Variants in BCKDHA observed in about 807,000 individuals in gnomAD.
BCKDHA encodes the protein branched chain keto acid dehydrogenase E1 subunit alpha, also known as 2-oxoisovalerate dehydrogenase subunit alpha, mitochondrial.
In BCKDHA, 43 loss-of-function variants were observed where a neutral mutation model predicts 52.2. The observed-to-expected ratio is 0.82, with a 90% CI of 0.64 to 1.06. The LOEUF (loss-of-function observed/expected upper bound fraction) is 1.06, where lower values mean the gene tolerates loss of function less well. Ranked by LOEUF, BCKDHA falls within the 50% of genes least tolerant of loss-of-function variation. The pLI, the probability that BCKDHA is intolerant of heterozygous loss-of-function variation, is 0.00. For missense variants in BCKDHA, 527 were observed against 621.3 expected (o/e 0.85, Z 1.61); for synonymous variants, 234 against 247.9 (o/e 0.94, Z 0.53).
intron 1 of BCKDHA, among the ~76,000 whole-genome samples, chr19:41,404,258 G>A (rs2039168872): frequency 6.6e-6 from 1 of 151,684 alleles, no homozygotes; most frequent in Non-Finnish European, 1.5e-5. Context: ...GAGATTATAA[G>A]CATAAGCCAC....
chr19:41,407,068 C>T (rs1448484938), intron 1 of BCKDHA, among the ~76,000 whole-genome samples: 1 of 152,198 alleles, frequency 6.6e-6, no homozygotes, highest in Non-Finnish European at 1.5e-5. Flanking sequence ...GCAGTTAGTT[C>T]TTCCCAGCTC....
intron 1 of BCKDHA, among the ~76,000 whole-genome samples, chr19:41,401,673 A>G (rs1182843960): frequency 6.6e-6 from 1 of 152,174 alleles, no homozygotes; most frequent in Non-Finnish European, 1.5e-5. Context: ...CAGATTGTCA[A>G]GGAATTGTGA....
rs377496852 is a variant in BCKDHA at position 41,411,013 on chromosome 19, C to T, written c.375+4C>T. The T allele has an allele frequency of 1.3e-4, 202 of 1,613,760 alleles. No individual in the cohort carries two copies. The highest frequency in any genetic ancestry group is 6.7e-4 in the African/African-American group (50 of 74,888). On this transcript the variant is annotated splice_donor_region_variant and intron_variant, in intron 3 of 8. Coordinates refer to ENST00000269980, the MANE Select transcript of BCKDHA (RefSeq NM_000709.4). ...CCTCTATGAGTCTCAGCGGCAGGTGCGTGGGGACAGGACTAGGGGCGGGGG... is the reference window on the plus strand; with the variant it reads ...CCTCTATGAGTCTCAGCGGCAGGTGTGTGGGGACAGGACTAGGGGCGGGGG...
At position 41,423,083 on chromosome 19, in the gene BCKDHA, A is replaced by G. The variant is rs61736656; in HGVS notation, c.1081A>G (p.Ile361Val). Residue 361 changes from isoleucine (I) to valine (V), a missense_variant, in exon 8 of 9, where the codon ATC (isoleucine) becomes GTC (valine). Physicochemically the swap from Ile to Val is conservative, Grantham distance 29. Transcript: ENST00000269980. ...VNYWDKQDHP[I>V]SRLRHYLLSQ... ...TTACTGGGATAAACAGGACCACCCC[A>G]TCTCCCGGCTGCGGCACTATCTGCT... 1,075 of 1,582,178 alleles carry G rather than the reference A, an allele frequency of 6.8e-4. 3 individuals carry two copies. The highest frequency in any genetic ancestry group is 4.7e-4 in the Non-Finnish European group (550 of 1,164,046).
At position 41,424,653 on chromosome 19, in the gene BCKDHA, G is replaced by T; in HGVS notation, c.*45G>T. 3 of 1,547,190 alleles carry T rather than the reference G, an allele frequency of 1.9e-6. No homozygotes were observed. The highest frequency in any genetic ancestry group is 2.6e-6 in the Non-Finnish European group (3 of 1,140,646). ...CACCCATCCTCAGCTACCCCGAGAG[G>T]TAGCCCCACTCTAAGGGGAGCAGGG... On this transcript the variant is annotated 3_prime_UTR_variant, in exon 9 of 9. Coordinates refer to ENST00000269980, the MANE Select transcript of BCKDHA (RefSeq NM_000709.4).
rs1183699081 is a variant in BCKDHA at position 41,424,761 on chromosome 19, C to A, written c.*153C>A. 3.8e-6 allele frequency: 3 copies of A among 792,166 alleles called. No homozygotes were observed. Among genetic ancestry groups the A allele is most frequent in the Admixed American group, 6.1e-5 (2 of 32,928 alleles). The allele number at this position is 792,166 out of a possible 1,614,324, so 49.1% of individuals were successfully genotyped here. A position where few individuals can be genotyped will look rare whatever the true frequency, so the allele number is the denominator to read the frequency against. ...CCAGGGCGGCTGCCACTCTTCACCC[C>A]TGCTCCTCCCGGCTGTTACATTGTC... On this transcript the variant is annotated 3_prime_UTR_variant, in exon 9 of 9. Transcript: ENST00000269980.
intron 5 of BCKDHA, among the ~76,000 whole-genome samples, chr19:41,421,224 A>G (rs284650): frequency 0.66 from 99,819 of 152,016 alleles, 33,830 homozygotes; most frequent in African/African-American, 0.82. Context: ...AGTTCCTGCC[A>G]TGTGCCGGTG....
chr19:41,423,115 A>G lies in BCKDHA; in HGVS notation c.1113A>G (p.Gln371=), dbSNP rs2039388745. The G allele has an allele frequency of 6.4e-7, 1 of 1,564,130 alleles. No homozygotes were observed. Among genetic ancestry groups the G allele is most frequent in the Non-Finnish European group, 8.7e-7 (1 of 1,154,018 alleles). The change falls in exon 8 of 9, where the codon CAA becomes CAG. Residue 371 remains glutamine (Q), a synonymous_variant. Transcript: ENST00000269980. ...GGCTGCGGCACTATCTGCTGAGCCA[A>G]GGCTGGTGGGATGAGGAGCAGGAGA... ...ISRLRHYLLS[Q]GWWDEEQEKA...
intron 4 of BCKDHA, among the ~76,000 whole-genome samples, chr19:41,417,825 T>C (rs1187652113): frequency 2.0e-5 from 3 of 151,892 alleles, no homozygotes; most frequent in African/African-American, 7.2e-5. Flanking sequence ...CTCAGGAGGC[T>C]GAGGCAGGAG....
rs182217267 is a variant in BCKDHA, at chr19:41,416,068, G to A, written c.484+1911G>A. ...AGGTGATTCTCCTGCCTCAGACTCCGGAGTAGCTGGAATTAAAGGCATGCA... is the reference window on the plus strand; with the variant it reads ...AGGTGATTCTCCTGCCTCAGACTCCAGAGTAGCTGGAATTAAAGGCATGCA... On this transcript the variant is annotated intron_variant, in intron 4 of 8. Transcript: ENST00000269980. Among the ~76,000 whole-genome samples, 235 of 150,562 alleles carry A rather than the reference G, an allele frequency of 1.6e-3. 1 individual carries two copies. Among genetic ancestry groups the A allele is most frequent in the African/African-American group, 5.5e-3 (223 of 40,842 alleles).
rs1465911324 is a variant in BCKDHA, at chr19:41,397,993, C to T, written c.108+58C>T. ...AGGGGATTAGGGATGTAAAGGCTATCTTCAGAGTGTGGGGTCCCTGAAGGA... is the reference window on the plus strand; with the variant it reads ...AGGGGATTAGGGATGTAAAGGCTATTTTCAGAGTGTGGGGTCCCTGAAGGA... On this transcript the variant is annotated intron_variant, in intron 1 of 8. Coordinates refer to ENST00000269980, the MANE Select transcript of BCKDHA (RefSeq NM_000709.4). 4.8e-6 allele frequency: 7 copies of T among 1,449,960 alleles called. No individual in the cohort carries two copies. The South Asian group carries it at 8.1e-5, about 17-fold the overall frequency. The allele number at this position is 1,449,960 out of a possible 1,614,324, so 89.8% of individuals were successfully genotyped here. A position where few individuals can be genotyped will look rare whatever the true frequency, so the allele number is the denominator to read the frequency against.
Position 41,422,787 on chromosome 19 carries a change from C to A in BCKDHA, c.995+17C>A. 1 of 1,612,702 alleles carries A rather than the reference C, an allele frequency of 6.2e-7. No individual in the cohort carries two copies. The highest frequency in any genetic ancestry group is 1.1e-5 in the South Asian group (1 of 91,070). Reference sequence around the variant, plus strand: ...GACCTACAGGTGCCTGCCGCTCCCCCCGTCAGCACCCCCACAGCACTGACA... The same window carrying A: ...GACCTACAGGTGCCTGCCGCTCCCCACGTCAGCACCCCCACAGCACTGACA... On this transcript the variant is annotated intron_variant, in intron 7 of 8. Coordinates refer to ENST00000269980, the MANE Select transcript of BCKDHA (RefSeq NM_000709.4).
intron 1 of BCKDHA, 62 bp downstream of exon 1, chr19:41,397,997 A>G: frequency 7.1e-7 from 1 of 1,409,138 alleles, no homozygotes; most frequent in East Asian, 2.3e-5. Flanking sequence ...GGCTATCTTC[A>G]GAGTGTGGGG....
At chr19:41,423,204 G>A in intron 8 of BCKDHA, 35 bp downstream of exon 8, 1 of 1,548,790 alleles carries the variant, frequency 6.5e-7, no homozygotes. Context: ...TGTGCTGGGG[G>A]CTGCTGCGGC....
rs117069153 is a variant in BCKDHA at position 41,398,476 on chromosome 19, C to T, written c.108+541C>T. Among the ~76,000 whole-genome samples the T allele has an allele frequency of 9.6e-3, 1,467 of 152,210 alleles. 17 individuals carry two copies. Among genetic ancestry groups the T allele is most frequent in the Non-Finnish European group, 0.016 (1,057 of 68,016 alleles). ...TTGTTTGATTCCTGTGTCTCTTGAT[C>T]GAATATCAAGACAGAGAATTCGTGT... On this transcript the variant is annotated intron_variant, in intron 1 of 8. Coordinates refer to ENST00000269980, the MANE Select transcript of BCKDHA (RefSeq NM_000709.4).
At chr19:41,412,211 C>T (rs1025998981) in intron 3 of BCKDHA, among the ~76,000 whole-genome samples, 1 of 149,254 alleles carries the variant, frequency 6.7e-6, no homozygotes, top group Admixed American at 6.6e-5. Context: ...AACTTGACCT[C>T]GACATCTTCC....
At chr19:41,399,572 T>A (rs1205349896) in intron 1 of BCKDHA, 1 of 151,760 alleles carries the variant, frequency 6.6e-6, no homozygotes, top group East Asian at 1.9e-4. Flanking sequence ...TACTTTTTAT[T>A]TATATATATT....
intron 1 of BCKDHA, among the ~76,000 whole-genome samples, chr19:41,402,941 G>A (rs139863755): frequency 6.6e-6 from 1 of 152,200 alleles, no homozygotes; most frequent in African/African-American, 2.4e-5. Flanking sequence ...ATGTGTGGCC[G>A]GGCAGGTGAT....
chr19:41,412,173 A>AT lies in BCKDHA; in HGVS notation c.375+1165dup, dbSNP rs139697921. ...AGCCCTGCTTGGCTTCTCGCCCTGG[A>AT]TGTCCCACAGCAAACTAATCCTGTC... On this transcript the variant is annotated intron_variant, in intron 3 of 8. Transcript: ENST00000269980. Among the ~76,000 whole-genome samples, 553 of 151,432 alleles carry AT rather than the reference A, an allele frequency of 3.7e-3. 6 individuals carry two copies. The highest frequency in any genetic ancestry group is 0.012 in the African/African-American group (510 of 40,966).
Sources: gnomAD v4.1 joint callset for allele counts (sites outside exome capture counted in the v4.1 genomes callset) on GRCh38, gnomAD v4.1.1 for gene constraint, MANE v1.5 for transcripts, NCBI Gene and HGNC (gene_info 2026-07-23, HGNC 2026-07-21) for gene names.